TIAM1: variants seen among roughly 807,000 people sequenced by gnomAD.
TIAM1 encodes rho guanine nucleotide exchange factor TIAM1.
Under a neutral mutation model 163.5 loss-of-function variants are expected in TIAM1, and 65 were observed. The observed-to-expected ratio is 0.40, with a 90% CI of 0.33 to 0.49. The LOEUF (loss-of-function observed/expected upper bound fraction) is 0.49. Ranked by LOEUF, TIAM1 falls within the 20% of genes least tolerant of loss-of-function variation. TIAM1 has a pLI of 0.77. For synonymous variants in TIAM1, 833 were observed against 810.1 expected, an observed-to-expected ratio of 1.03 and a Z score of -0.48; for missense variants, 1,789 against 2,044.7, an observed-to-expected ratio of 0.87 and a Z score of 2.41.
At chr21:31,244,638 T>C (rs970051082) in intron 6 of TIAM1, among the ~76,000 whole-genome samples, 1 of 152,146 alleles carries the variant, frequency 6.6e-6, no homozygotes, top group African/African-American at 2.4e-5. Flanking sequence ...GACAGGAGAA[T>C]TGCTTGAACC....
At chr21:31,314,576 CAT>C (rs1345500433) in intron 2 of TIAM1, among the ~76,000 whole-genome samples, 1 of 152,138 alleles carries the variant, frequency 6.6e-6, no homozygotes, top group Non-Finnish European at 1.5e-5. Flanking sequence ...AGTACACACA[CAT>C]AATAGCTTGG....
intron 6 of TIAM1, among the ~76,000 whole-genome samples, chr21:31,230,756 A>G (rs1183840484): frequency 2.0e-5 from 3 of 151,144 alleles, no homozygotes; most frequent in Non-Finnish European, 4.4e-5. Context: ...CTGGTCTTGA[A>G]CTCCTGACCT....
At chr21:31,247,213 A>G (rs1481261822) in intron 5 of TIAM1, among the ~76,000 whole-genome samples, 1 of 151,796 alleles carries the variant, frequency 6.6e-6, no homozygotes, top group Admixed American at 6.6e-5. Context: ...CAGGTGGCTG[A>G]GCTGGGAGGA....
intron 2 of TIAM1, among the ~76,000 whole-genome samples, chr21:31,336,774 C>T (rs887465300): frequency 6.6e-6 from 1 of 151,910 alleles, no homozygotes; most frequent in East Asian, 1.9e-4. Context: ...GAAAGACAGC[C>T]GGGAGGAGGT....
intron 2 of TIAM1, among the ~76,000 whole-genome samples, chr21:31,306,370 T>C (rs935549900): frequency 1.3e-5 from 2 of 151,812 alleles, no homozygotes; most frequent in South Asian, 4.2e-4. Context: ...TAGAGAGAAA[T>C]AAAATTGGAA....
intron 1 of TIAM1, among the ~76,000 whole-genome samples, chr21:31,551,425 AAAAGAAAAAGAAAG>A (rs1601076647): frequency 6.6e-6 from 1 of 151,600 alleles, no homozygotes; most frequent in African/African-American, 2.4e-5. Context: ...AGAAAAAAAG[AAAAGAAAAAGAAAG>A]AAAGAAAAAG....
At chr21:31,315,493 C>G (rs1159000468) in intron 2 of TIAM1, among the ~76,000 whole-genome samples, 1 of 150,610 alleles carries the variant, frequency 6.6e-6, no homozygotes, top group African/African-American at 2.4e-5. Context: ...CTAGCCTGGG[C>G]AACAGAGCAA....
rs745903630 is a variant in TIAM1, at chr21:31,154,469, C to A, written c.2992-43G>T. 57 of 1,587,094 alleles carry A rather than the reference C, an allele frequency of 3.6e-5. No homozygotes were observed. The South Asian group carries it at 5.7e-4, about 16-fold the overall frequency. ...GAAGGGAAGGCAGAGGTCATTATCC[C>A]TCATTAGACGCACCTGACACCTGGA... On this transcript the variant is annotated intron_variant, in intron 16 of 27. Coordinates refer to ENST00000541036, the MANE Select transcript of TIAM1 (RefSeq NM_001353694.2).
chr21:31,178,326 T>G (rs866129449), intron 15 of TIAM1, among the ~76,000 whole-genome samples: 2,532 of 147,754 alleles, frequency 0.017, 93 homozygotes, highest in African/African-American at 0.062. Context: ...TTTTTTTTTT[T>G]GAGACGGAGT....
intron 2 of TIAM1, among the ~76,000 whole-genome samples, chr21:31,416,928 T>C (rs1451724270): frequency 6.6e-6 from 1 of 152,240 alleles, no homozygotes; most frequent in Non-Finnish European, 1.5e-5. Context: ...CAAAGGAATG[T>C]CTTTAATGGG....
intron 10 of TIAM1, among the ~76,000 whole-genome samples, chr21:31,210,608 AGG>A (rs2086709545): frequency 1.3e-5 from 1 of 79,894 alleles, no homozygotes; most frequent in African/African-American, 4.7e-5. Context: ...GAAAGAAGGA[AGG>A]AAGGGAGAAA....
chr21:31,538,349 C>A (rs1176315866), intron 1 of TIAM1, among the ~76,000 whole-genome samples: 1 of 152,144 alleles, frequency 6.6e-6, no homozygotes, highest in South Asian at 2.1e-4. Context: ...TTGAGACCAG[C>A]CTGGGCAACA....
At chr21:31,351,697 GGTTAAGATA>G (rs961567502) in intron 2 of TIAM1, among the ~76,000 whole-genome samples, 17 of 152,260 alleles carry the variant, frequency 1.1e-4, no homozygotes, top group African/African-American at 3.6e-4. Context: ...GTGCCCAAGG[GGTTAAGATA>G]GCAACCTGGT....
chr21:31,180,602 G>GC (rs1489944776), intron 15 of TIAM1, among the ~76,000 whole-genome samples: 1 of 152,058 alleles, frequency 6.6e-6, no homozygotes, highest in Non-Finnish European at 1.5e-5. Flanking sequence ...ACACACTGTT[G>GC]CTTATAGCAC....
chr21:31,290,149 T>C (rs1031775907), intron 2 of TIAM1, among the ~76,000 whole-genome samples: 5 of 152,212 alleles, frequency 3.3e-5, no homozygotes, highest in Admixed American at 3.3e-4. Context: ...TAGCACATAA[T>C]TTATTTGAAC....
At chr21:31,529,569 T>C (rs2047908240) in intron 1 of TIAM1, among the ~76,000 whole-genome samples, 2 of 152,230 alleles carry the variant, frequency 1.3e-5, no homozygotes, top group Admixed American at 6.5e-5. Context: ...GGATTTCCTT[T>C]CAGGGAGTTT....
intron 2 of TIAM1, among the ~76,000 whole-genome samples, chr21:31,280,340 G>A (rs1049380657): frequency 2.0e-5 from 3 of 152,200 alleles, no homozygotes; most frequent in African/African-American, 7.2e-5. Context: ...TTTAAAAAGA[G>A]GAGTTTCCCT....
intron 4 of TIAM1, among the ~76,000 whole-genome samples, chr21:31,253,257 A>G (rs2071914808): frequency 6.6e-6 from 1 of 152,242 alleles, no homozygotes; most frequent in Non-Finnish European, 1.5e-5. Flanking sequence ...TGAGTCTAAT[A>G]TAGAAGATGC....
chr21:31,333,563 G>A (rs2075747304), intron 2 of TIAM1, among the ~76,000 whole-genome samples: 1 of 152,002 alleles, frequency 6.6e-6, no homozygotes, highest in Non-Finnish European at 1.5e-5. Flanking sequence ...TCAGCTTCCT[G>A]CGTAGCTGGG....
Sources: allele counts gnomAD v4.1 joint callset (sites outside exome capture counted in the v4.1 genomes callset), GRCh38; gene constraint gnomAD v4.1.1; transcripts MANE v1.5; gene names NCBI Gene and HGNC (gene_info 2026-07-23, HGNC 2026-07-21).